STXBP5: variants seen among roughly 807,000 people sequenced by gnomAD.
STXBP5 encodes the protein syntaxin-binding protein 5.
STXBP5 carries 50 observed loss-of-function variants against 152.4 expected under a neutral mutation model. The ratio of observed to expected loss-of-function variants is 0.33; its 90% CI spans 0.26 to 0.42. STXBP5 has a LOEUF of 0.42. STXBP5 is among the 10% of genes least tolerant of loss of function. The pLI is 1.00. For missense variants in STXBP5, 1,167 were observed against 1,388.6 expected (o/e 0.84, Z 2.54); for synonymous variants, 492 against 494.7 (o/e 0.99, Z 0.07).
intron 9 of STXBP5, among the ~76,000 whole-genome samples, chr6:147,291,654 G>A (rs1781282353): frequency 6.6e-6 from 1 of 151,990 alleles, no homozygotes; most frequent in African/African-American, 2.4e-5. Flanking sequence ...GACATTGATT[G>A]TCACTATATG....
Position 147,364,186 on chromosome 6 carries a change from CT to C in STXBP5, c.3081+21del. ...CTTCAGGTAATTAATAAAAATATTA[CT>C]GTAATTTCTTCAGAGGTAAAGTATT... On this transcript the variant is annotated intron_variant, in intron 25 of 27. Coordinates refer to ENST00000321680, the MANE Select transcript of STXBP5 (RefSeq NM_001127715.4). The C allele has an allele frequency of 6.2e-7, 1 of 1,601,544 alleles. No individual in the cohort carries two copies. The highest frequency in any genetic ancestry group is 1.1e-5 in the South Asian group (1 of 90,502).
chr6:147,257,251 CTG>C (rs761289855), intron 4 of STXBP5, among the ~76,000 whole-genome samples: 35 of 151,348 alleles, frequency 2.3e-4, no homozygotes, highest in Admixed American at 5.9e-4. Context: ...ACTTCATTAT[CTG>C]TGTATTTCTG....
intron 8 of STXBP5, among the ~76,000 whole-genome samples, chr6:147,288,952 C>A (rs963159237): frequency 6.6e-6 from 1 of 152,142 alleles, no homozygotes; most frequent in South Asian, 2.1e-4. Context: ...TAGGTGAACA[C>A]GTGCAGTGTG....
chr6:147,379,037 G>T (rs1292839861), intron 26 of STXBP5, among the ~76,000 whole-genome samples: 2 of 151,608 alleles, frequency 1.3e-5, no homozygotes, highest in African/African-American at 4.8e-5. Context: ...TGGTCCCATT[G>T]TCAGTATTCA....
At chr6:147,291,312 AAAG>A in intron 9 of STXBP5, 140 bp downstream of exon 9, 2 of 554,194 alleles carry the variant, frequency 3.6e-6, no homozygotes, top group Non-Finnish European at 5.8e-6. Flanking sequence ...TTATTTAACA[AAAG>A]AAGTAAAATT....
At chr6:147,252,999 C>G (rs1779175680) in intron 4 of STXBP5, among the ~76,000 whole-genome samples, 1 of 152,028 alleles carries the variant, frequency 6.6e-6, no homozygotes, top group Admixed American at 6.6e-5. Context: ...CTTTCAGAGA[C>G]ACAACAAAAA....
chr6:147,314,187 A>C lies in STXBP5; in HGVS notation c.1294-77A>C, dbSNP rs541938260. The C allele has an allele frequency of 5.3e-6, 7 of 1,311,344 alleles. No homozygotes were observed. The African/African-American group carries it at 1.0e-4, about 19-fold the overall frequency. 81.2% of individuals were successfully genotyped at this position (1,311,344 alleles called of 1,614,324 possible). ...ATGTTTTTCACTGGATTATTTACACACACACACACACACACACACACACGG... is the reference window on the plus strand; with the variant it reads ...ATGTTTTTCACTGGATTATTTACACCCACACACACACACACACACACACGG... On this transcript the variant is annotated intron_variant, in intron 12 of 27. Transcript: ENST00000321680.
At chr6:147,211,574 AT>A (rs1215279556) in intron 2 of STXBP5, among the ~76,000 whole-genome samples, 2 of 152,230 alleles carry the variant, frequency 1.3e-5, no homozygotes, top group Non-Finnish European at 2.9e-5. Flanking sequence ...TTAGTTTAGA[AT>A]TTAGCCAGTG....
At chr6:147,227,632 A>G (rs1056000916) in intron 2 of STXBP5, among the ~76,000 whole-genome samples, 3 of 152,158 alleles carry the variant, frequency 2.0e-5, no homozygotes, top group Non-Finnish European at 4.4e-5. Flanking sequence ...TCAATTATGC[A>G]TACTAGCTCT....
chr6:147,296,492 C>T (rs1018371302), intron 9 of STXBP5, among the ~76,000 whole-genome samples: 3 of 152,002 alleles, frequency 2.0e-5, no homozygotes, highest in Non-Finnish European at 4.4e-5. Flanking sequence ...AAATCTTCCC[C>T]TAAAAAGCTA....
intron 1 of STXBP5, among the ~76,000 whole-genome samples, chr6:147,205,158 G>T (rs1776476099): frequency 6.6e-6 from 1 of 151,066 alleles, no homozygotes; most frequent in African/African-American, 2.5e-5. Flanking sequence ...GAAATCACAG[G>T]GTTCTTTTTA....
intron 26 of STXBP5, among the ~76,000 whole-genome samples, chr6:147,376,035 TTGGA>T (rs1562277118): frequency 6.6e-6 from 1 of 152,136 alleles, no homozygotes; most frequent in Non-Finnish European, 1.5e-5. Flanking sequence ...GAAAATAATC[TTGGA>T]TGGGATGTCA....
At chr6:147,380,562 G>A (rs1371973128) in intron 26 of STXBP5, among the ~76,000 whole-genome samples, 1 of 150,756 alleles carries the variant, frequency 6.6e-6, no homozygotes, top group Non-Finnish European at 1.5e-5. Context: ...AACACTCTTA[G>A]AAGAAAACAG....
intron 25 of STXBP5, among the ~76,000 whole-genome samples, chr6:147,364,659 A>G (rs928402343): frequency 6.6e-6 from 1 of 152,194 alleles, no homozygotes; most frequent in Non-Finnish European, 1.5e-5. Flanking sequence ...CAAATTCTTT[A>G]TATACAGAAA....
At chr6:147,339,051 T>C (rs1783970094) in intron 19 of STXBP5, 128 bp from the exon 20 acceptor site, 6 of 746,498 alleles carry the variant, frequency 8.0e-6, no homozygotes, top group Non-Finnish European at 1.3e-5. Flanking sequence ...TGGCCTCTTC[T>C]TGTGGTCACT....
chr6:147,333,378 G>T (rs1416664314), intron 18 of STXBP5, among the ~76,000 whole-genome samples: 1 of 152,072 alleles, frequency 6.6e-6, no homozygotes, highest in Non-Finnish European at 1.5e-5. Flanking sequence ...AAAAAAACTA[G>T]CCAGGCATGG....
At chr6:147,333,558 C>G (rs1297618882) in intron 18 of STXBP5, among the ~76,000 whole-genome samples, 1 of 152,078 alleles carries the variant, frequency 6.6e-6, no homozygotes, top group African/African-American at 2.4e-5. Context: ...AATTCTCATT[C>G]AAGAACTTCC....
chr6:147,224,989 G>A (rs1777639276), intron 2 of STXBP5, among the ~76,000 whole-genome samples: 1 of 152,056 alleles, frequency 6.6e-6, no homozygotes, highest in South Asian at 2.1e-4. Context: ...AGAGTAGTAA[G>A]GCAATTCAGA....
At chr6:147,358,957 A>C in intron 22 of STXBP5, 127 bp from the exon 23 acceptor site, 1 of 1,089,346 alleles carries the variant, frequency 9.2e-7, no homozygotes, top group Non-Finnish European at 1.3e-6. Context: ...AAATGAAGTG[A>C]ATATTAAATA....
Sources: allele counts gnomAD v4.1 joint callset (sites outside exome capture counted in the v4.1 genomes callset), GRCh38; gene constraint gnomAD v4.1.1; transcripts MANE v1.5; gene names NCBI Gene and HGNC (gene_info 2026-07-23, HGNC 2026-07-21).